Variants in CCDC148 observed in about 807,000 individuals in gnomAD.
The protein encoded by CCDC148 is coiled-coil domain containing 148.
CCDC148 carries 89 observed loss-of-function variants against 85.7 expected under a neutral mutation model. The ratio of observed to expected loss-of-function variants is 1.04; its 90% confidence interval spans 0.87 to 1.24. The LOEUF (loss-of-function observed/expected upper bound fraction) is 1.24. CCDC148 is among the 50% of genes most tolerant of loss of function. The probability of loss-of-function intolerance (pLI) is 0.00; values close to 1 mark genes in which losing one functional copy is unlikely to be tolerated. For synonymous variants in CCDC148, 230 were observed against 213.9 expected, an observed-to-expected ratio of 1.08 and a Z score of -0.66; for missense variants, 692 against 671.7, an observed-to-expected ratio of 1.03 and a Z score of -0.33.
chr2:158,275,221 G>A (rs546288213), intron 9 of CCDC148, among the ~76,000 whole-genome samples: 1 of 152,348 alleles, frequency 6.6e-6, no homozygotes, highest in East Asian at 1.9e-4. Context: ...CCAATGAGCT[G>A]TGTAACTTCT....
chr2:158,248,892 T>C (rs2105139847), intron 10 of CCDC148, among the ~76,000 whole-genome samples: 1 of 152,230 alleles, frequency 6.6e-6, no homozygotes, highest in South Asian at 2.1e-4. Context: ...TAAAATAGCT[T>C]AATTCTTCCT....
chr2:158,349,434 C>T (rs769574584), intron 2 of CCDC148, among the ~76,000 whole-genome samples: 10 of 151,234 alleles, frequency 6.6e-5, no homozygotes, highest in Non-Finnish European at 8.9e-5. Flanking sequence ...CTTTTTGAGC[C>T]TATGTATTTT....
chr2:158,261,504 C>T (rs1395003861), intron 9 of CCDC148, among the ~76,000 whole-genome samples: 4 of 147,720 alleles, frequency 2.7e-5, no homozygotes, highest in Admixed American at 1.4e-4. Context: ...GCAACAAAAT[C>T]GAAAATTGAC....
chr2:158,233,340 A>G (rs1687944919), intron 10 of CCDC148, among the ~76,000 whole-genome samples: 2 of 151,114 alleles, frequency 1.3e-5, no homozygotes, highest in South Asian at 2.1e-4. Context: ...TGGTTCCTGT[A>G]CCCCCTAAAA....
At chr2:158,354,238 T>G (rs919907306) in intron 2 of CCDC148, among the ~76,000 whole-genome samples, 5 of 151,628 alleles carry the variant, frequency 3.3e-5, no homozygotes, top group African/African-American at 4.9e-5. Context: ...AGAGCAGAAC[T>G]GAAGGAAATA....
At chr2:158,226,489 A>G (rs1487042682) in intron 10 of CCDC148, among the ~76,000 whole-genome samples, 1 of 152,202 alleles carries the variant, frequency 6.6e-6, no homozygotes, top group Non-Finnish European at 1.5e-5. Context: ...AAAGCCTGCC[A>G]GAGACACAAC....
rs141623925 is a variant in CCDC148, at chr2:158,425,904, C to T, written c.25+30511G>A. On this transcript the variant is annotated intron_variant, in intron 1 of 13. Transcript: ENST00000283233. The stretch of plus-strand genomic sequence containing the variant: ...GAAGCTTTCTAGTAGACCATGTGTC[C>T]TCTGGATTGTAACATAATGATTATT... 8.5e-3 allele frequency among the ~76,000 whole-genome samples: 1,291 copies of T among 152,226 alleles called. 16 individuals are homozygous for T. Among genetic ancestry groups the T allele is most frequent in the Middle Eastern group, 0.044 (13 of 294 alleles).
chr2:158,306,982 G>A (rs756913562), intron 9 of CCDC148, among the ~76,000 whole-genome samples: 15 of 147,628 alleles, frequency 1.0e-4, no homozygotes, highest in Non-Finnish European at 2.1e-4. Context: ...TCACACCACT[G>A]CACTCCACCC....
chr2:158,269,093 TG>T (rs1689591181), intron 9 of CCDC148, among the ~76,000 whole-genome samples: 1 of 152,160 alleles, frequency 6.6e-6, no homozygotes, highest in Non-Finnish European at 1.5e-5. Flanking sequence ...GATGAATTGC[TG>T]GGCATATGGT....
intron 9 of CCDC148, among the ~76,000 whole-genome samples, chr2:158,281,731 A>T (rs530843847): frequency 0.013 from 2,040 of 152,158 alleles, 22 homozygotes; most frequent in Non-Finnish European, 0.019. Context: ...CTTCTGAAAC[A>T]ATTCCAATCA....
intron 13 of CCDC148, among the ~76,000 whole-genome samples, chr2:158,174,335 C>T (rs1006842527): frequency 6.6e-6 from 1 of 151,988 alleles, no homozygotes; most frequent in East Asian, 1.9e-4. Context: ...TGTCTAGCTT[C>T]GAATCATCCT....
chr2:158,456,273 T>C lies in CCDC148; in HGVS notation c.25+142A>G, dbSNP rs575116527. On this transcript the variant is annotated intron_variant, in intron 1 of 13. Transcript: ENST00000283233. ...CTCTTTGAGTCTTTCAGAAGAGTTA[T>C]GAGTTTGAGGACCCAAAACGTTGAG... 807 of 815,302 alleles carry C rather than the reference T, an allele frequency of 9.9e-4. 2 individuals are homozygous for C. Among genetic ancestry groups the C allele is most frequent in the Admixed American group, 1.2e-3 (61 of 49,068 alleles). 50.5% of individuals were successfully genotyped at this position (815,302 alleles called of 1,614,324 possible).
At chr2:158,381,393 T>C (rs1684863241) in intron 1 of CCDC148, among the ~76,000 whole-genome samples, 1 of 151,896 alleles carries the variant, frequency 6.6e-6, no homozygotes, top group Non-Finnish European at 1.5e-5. Context: ...ATTAGCAAAA[T>C]CCAATTTAAA....
chr2:158,412,833 T>C (rs1041690194), intron 1 of CCDC148, among the ~76,000 whole-genome samples: 1 of 19,868 alleles, frequency 5.0e-5, no homozygotes, highest in Non-Finnish European at 9.8e-5. Flanking sequence ...GTATTTATTA[T>C]TATTATTATT....
rs180871298 is a variant in CCDC148, at chr2:158,295,462, G to A, written c.1110+13971C>T. Reference sequence around the variant, plus strand: ...ACCAATATCCTTGATGAACACTGACGCGAAAATCCTCAATAAAATACTGGC... The same window carrying A: ...ACCAATATCCTTGATGAACACTGACACGAAAATCCTCAATAAAATACTGGC... On this transcript the variant is annotated intron_variant, in intron 9 of 13. Coordinates refer to ENST00000283233, the MANE Select transcript of CCDC148 (RefSeq NM_138803.4). Among the ~76,000 whole-genome samples, 242 of 151,870 alleles carry A rather than the reference G, an allele frequency of 1.6e-3. 1 individual carries two copies. The highest frequency in any genetic ancestry group is 1.6e-3 in the Non-Finnish European group (112 of 67,990).
chr2:158,409,394 C>A (rs770511339), intron 1 of CCDC148, among the ~76,000 whole-genome samples: 9 of 152,220 alleles, frequency 5.9e-5, no homozygotes, highest in Non-Finnish European at 8.8e-5. Context: ...CTACCTCTTG[C>A]ATCAGTGTGA....
chr2:158,182,918 T>C (rs1422060595), intron 11 of CCDC148, among the ~76,000 whole-genome samples: 1 of 152,140 alleles, frequency 6.6e-6, no homozygotes, highest in Non-Finnish European at 1.5e-5. Flanking sequence ...TGGAAATTTT[T>C]CCACATAAAT....
chr2:158,329,725 C>T (rs1314391116), intron 7 of CCDC148, among the ~76,000 whole-genome samples: 6 of 152,128 alleles, frequency 3.9e-5, no homozygotes, highest in East Asian at 3.9e-4. Context: ...AGGTCCTTCA[C>T]GTCCCTTGTA....
At chr2:158,203,368 T>C (rs1454984116) in intron 11 of CCDC148, among the ~76,000 whole-genome samples, 1 of 152,202 alleles carries the variant, frequency 6.6e-6, no homozygotes, top group Non-Finnish European at 1.5e-5. Context: ...ATTTATATCC[T>C]TTAACAATAC....
Sources: gnomAD v4.1 joint callset for allele counts (sites outside exome capture counted in the v4.1 genomes callset) on GRCh38, gnomAD v4.1.1 for gene constraint, MANE v1.5 for transcripts, NCBI Gene and HGNC (gene_info 2026-07-23, HGNC 2026-07-21) for gene names.